MACROD2: variants seen among roughly 807,000 people sequenced by gnomAD.
The protein encoded by MACROD2 is mono-ADP ribosylhydrolase 2.
MACROD2 carries 36 observed loss-of-function variants against 70.4 expected under a neutral mutation model. That is an observed-to-expected ratio of 0.51 (90% CI 0.39 to 0.68). MACROD2 has a LOEUF of 0.68. MACROD2 is among the 30% of genes least tolerant of loss of function. MACROD2 has a pLI of 0.00. For missense variants in MACROD2, 496 were observed against 538.4 expected (o/e 0.92, Z 0.78); for synonymous variants, 172 against 178.8 (o/e 0.96, Z 0.30).
intron 3 of MACROD2, among the ~76,000 whole-genome samples, chr20:14,201,796 G>A (rs928756261): frequency 1.1e-4 from 17 of 149,498 alleles, no homozygotes; most frequent in South Asian, 6.3e-4. Context: ...CTGAGACTGC[G>A]CCACTGCACT....
intron 7 of MACROD2, among the ~76,000 whole-genome samples, chr20:15,434,996 TATC>T (rs1219825552): frequency 1.3e-5 from 2 of 152,072 alleles, no homozygotes; most frequent in African/African-American, 2.4e-5. Flanking sequence ...ATAAGAATGA[TATC>T]ATGGACTTTG....
At chr20:15,895,304 A>G (rs1211285197) in intron 10 of MACROD2, among the ~76,000 whole-genome samples, 1 of 152,244 alleles carries the variant, frequency 6.6e-6, no homozygotes, top group Non-Finnish European at 1.5e-5. Context: ...GCTCTGAATC[A>G]TAAAGATGAA....
At chr20:14,553,784 ATC>A (rs1568667390) in intron 4 of MACROD2, among the ~76,000 whole-genome samples, 262 of 152,320 alleles carry the variant, frequency 1.7e-3, no homozygotes, top group African/African-American at 6.0e-3. Context: ...GATAATGACC[ATC>A]AAAGTTGGTC....
At chr20:15,801,200 A>AC (rs1555781104) in intron 8 of MACROD2, among the ~76,000 whole-genome samples, 3 of 137,800 alleles carry the variant, frequency 2.2e-5, no homozygotes, top group African/African-American at 5.7e-5. Context: ...AAAAAAAAAA[A>AC]AAAACGAAAA....
intron 8 of MACROD2, among the ~76,000 whole-genome samples, chr20:15,533,544 G>GCTCTCTCTCTCT (rs3071260): frequency 5.7e-4 from 81 of 141,170 alleles, no homozygotes; most frequent in Admixed American, 3.1e-3. Flanking sequence ...TGTCTCTGTC[G>GCTCTCTCTCTCT]CTCTCTCTCT....
intron 5 of MACROD2, among the ~76,000 whole-genome samples, chr20:15,136,751 A>G (rs1328290874): frequency 1.3e-5 from 2 of 152,166 alleles, no homozygotes; most frequent in African/African-American, 2.4e-5. Context: ...ACAGCAAAAG[A>G]AACTACCGTC....
intron 8 of MACROD2, among the ~76,000 whole-genome samples, chr20:15,594,278 G>A (rs1416860559): frequency 1.3e-5 from 2 of 151,422 alleles, no homozygotes; most frequent in Non-Finnish European, 2.9e-5. Flanking sequence ...TGTTTGAAAG[G>A]CCTATTTGTG....
At chr20:14,719,101 G>A (rs1217765952) in intron 5 of MACROD2, among the ~76,000 whole-genome samples, 2 of 152,002 alleles carry the variant, frequency 1.3e-5, no homozygotes, top group Non-Finnish European at 2.9e-5. Flanking sequence ...GCATGGTGGT[G>A]TGCACCTGTA....
intron 6 of MACROD2, among the ~76,000 whole-genome samples, chr20:15,354,620 C>T (rs1326833936): frequency 2.0e-5 from 3 of 152,062 alleles, no homozygotes; most frequent in Non-Finnish European, 4.4e-5. Context: ...AGTAATCCCA[C>T]TCCTAGGAAC....
At chr20:14,856,998 A>T (rs2073261791) in intron 5 of MACROD2, among the ~76,000 whole-genome samples, 1 of 152,126 alleles carries the variant, frequency 6.6e-6, no homozygotes, top group Non-Finnish European at 1.5e-5. Flanking sequence ...TAAGAATATT[A>T]AATTTCAGAG....
At chr20:15,706,523 T>C (rs1220043342) in intron 8 of MACROD2, among the ~76,000 whole-genome samples, 1 of 152,308 alleles carries the variant, frequency 6.6e-6, no homozygotes, top group South Asian at 2.1e-4. Flanking sequence ...GATTGTTAAA[T>C]TAAGCCTATG....
At chr20:14,574,361 T>C (rs941131747) in intron 4 of MACROD2, among the ~76,000 whole-genome samples, 1 of 152,112 alleles carries the variant, frequency 6.6e-6, no homozygotes, top group African/African-American at 2.4e-5. Flanking sequence ...AATCAAACCA[T>C]AGCATTTACC....
At chr20:15,550,479 C>G (rs2048080677) in intron 8 of MACROD2, among the ~76,000 whole-genome samples, 1 of 152,030 alleles carries the variant, frequency 6.6e-6, no homozygotes, top group South Asian at 2.1e-4. Flanking sequence ...CAGTTAGTCC[C>G]ATTATTTGTA....
intron 4 of MACROD2, among the ~76,000 whole-genome samples, chr20:14,606,197 C>T (rs1051883851): frequency 6.6e-6 from 1 of 152,000 alleles, no homozygotes; most frequent in African/African-American, 2.4e-5. Context: ...TTCATTAGTA[C>T]AGTAGTTTGA....
chr20:15,103,815 AG>A (rs139798885), intron 5 of MACROD2, among the ~76,000 whole-genome samples: 2,383 of 152,240 alleles, frequency 0.016, 62 homozygotes, highest in African/African-American at 0.055. Flanking sequence ...AATTGCATGA[AG>A]AAAGCAGCCG....
intron 5 of MACROD2, among the ~76,000 whole-genome samples, chr20:15,083,598 T>C (rs1339538418): frequency 9.9e-6 from 1 of 101,490 alleles, no homozygotes; most frequent in Non-Finnish European, 2.8e-5. Context: ...CAACAATAAT[T>C]TTTTTTTTTT....
intron 3 of MACROD2, among the ~76,000 whole-genome samples, chr20:14,198,637 A>G (rs1037716911): frequency 6.6e-6 from 1 of 152,234 alleles, no homozygotes; most frequent in African/African-American, 2.4e-5. Flanking sequence ...CCTGGTGGAC[A>G]GTGTGTTATT....
In MACROD2 at chr20:14,788,970, T is replaced by C. The variant is rs1293397714; in HGVS notation, c.418+104011T>C. Among the ~76,000 whole-genome samples, 6 of 151,864 alleles carry C rather than the reference T, an allele frequency of 4.0e-5. No individual in the cohort carries two copies. The East Asian group carries it at 1.2e-3, about 29-fold the overall frequency. ...TTTTAATAGAGACGGGGTTTCACCA[T>C]GTTGGTCAGGCTGGTCTCGAACTCC... On this transcript the variant is annotated intron_variant, in intron 5 of 17. Transcript: ENST00000684519.
At chr20:14,486,663 C>T (rs555853617) in intron 3 of MACROD2, among the ~76,000 whole-genome samples, 43 of 151,712 alleles carry the variant, frequency 2.8e-4, no homozygotes, top group Non-Finnish European at 3.8e-4. Flanking sequence ...GGATTACAGG[C>T]GTGTGCCACC....
Sources: gnomAD v4.1 joint callset for allele counts (sites outside exome capture counted in the v4.1 genomes callset) on GRCh38, gnomAD v4.1.1 for gene constraint, MANE v1.5 for transcripts, NCBI Gene and HGNC (gene_info 2026-07-23, HGNC 2026-07-21) for gene names.